Variants in DOCK11 observed in about 807,000 individuals in gnomAD.
The protein encoded by DOCK11 is dedicator of cytokinesis protein 11.
In DOCK11, 70 loss-of-function variants were observed where a neutral mutation model predicts 169.1. The ratio of observed to expected loss-of-function variants is 0.41; its 90% CI spans 0.34 to 0.51. The LOEUF is 0.51. Ranked by LOEUF, DOCK11 falls within the 20% of genes least tolerant of loss-of-function variation. DOCK11 has a pLI of 0.10. For synonymous variants in DOCK11, 529 were observed against 541.3 expected (o/e 0.98, Z 0.32); for missense variants, 1,166 against 1,538.8 (o/e 0.76, Z 4.05).
At chrX:118,569,959 G>A (rs761103898) in intron 10 of DOCK11, among the ~76,000 whole-genome samples, 7 of 111,920 alleles carry the variant, frequency 6.3e-5, no homozygotes, top group East Asian at 2.8e-4. Flanking sequence ...GTGGTGTAGC[G>A]TTTTTGTGGT....
At chrX:118,586,338 C>T (rs750657056) in intron 16 of DOCK11, among the ~76,000 whole-genome samples, 38 of 111,068 alleles carry the variant, frequency 3.4e-4, no homozygotes, top group African/African-American at 1.2e-3. Flanking sequence ...GGGGAGGCCT[C>T]AGGAAACTTA....
At chrX:118,568,995 C>T (rs192919812) in intron 10 of DOCK11, among the ~76,000 whole-genome samples, 1,107 of 109,379 alleles carry the variant, frequency 0.01, 43 homozygotes, top group Admixed American at 0.097. Context: ...TTTTCTTCCA[C>T]GAAAATATGA....
At chrX:118,546,676 A>G (rs1167255413) in intron 6 of DOCK11, among the ~76,000 whole-genome samples, 1 of 111,975 alleles carries the variant, frequency 8.9e-6, no homozygotes, top group Non-Finnish European at 1.9e-5. Context: ...TAAGTGAGCT[A>G]AAAGTTGAAA....
intron 40 of DOCK11, among the ~76,000 whole-genome samples, chrX:118,644,560 T>A (rs1484266177): frequency 8.9e-6 from 1 of 112,063 alleles, no homozygotes; most frequent in South Asian, 3.7e-4. Flanking sequence ...AAAGGCTTAT[T>A]GTCCAGTAGA....
In DOCK11 at chrX:118,542,867, G is replaced by GAA. The variant is rs3841523; in HGVS notation, c.219+32_219+33dup. 9,028 of 1,194,780 alleles carry GAA rather than the reference G, an allele frequency of 7.6e-3. 133 individuals carry two copies. Among genetic ancestry groups the GAA allele is most frequent in the South Asian group, 0.069 (3,838 of 55,777 alleles). On this transcript the variant is annotated intron_variant, in intron 2 of 52. Transcript: ENST00000276202. Reference sequence around the variant, plus strand: ...GTGAGTTCACAAACACTTCTTTAAAGAAAAAAACCCCTATTTTTCAAGCCA... The same window carrying GAA: ...GTGAGTTCACAAACACTTCTTTAAAGAAAAAAAAACCCCTATTTTTCAAGCCA...
At chrX:118,578,392 TTCTA>T in intron 12 of DOCK11, 129 bp from the exon 13 acceptor site, 2 of 693,662 alleles carry the variant, frequency 2.9e-6, no homozygotes, top group East Asian at 3.9e-5. Flanking sequence ...TGAAAGGAAA[TTCTA>T]TCTATTTCTA....
intron 1 of DOCK11, among the ~76,000 whole-genome samples, chrX:118,520,577 G>A (rs2057715964): frequency 8.9e-6 from 1 of 111,987 alleles, no homozygotes; most frequent in Admixed American, 9.5e-5. Flanking sequence ...TAAAACCCAT[G>A]TCCTTGATAA....
At chrX:118,619,346 C>T (rs1365581604) in intron 31 of DOCK11, among the ~76,000 whole-genome samples, 1 of 104,137 alleles carries the variant, frequency 9.6e-6, no homozygotes, top group Admixed American at 1.0e-4. Flanking sequence ...TGGTGGCACA[C>T]ACCTGTAGTC....
chrX:118,642,411 C>G (rs1207685728), intron 39 of DOCK11, among the ~76,000 whole-genome samples: 2 of 112,162 alleles, frequency 1.8e-5, no homozygotes, highest in Non-Finnish European at 3.8e-5. Flanking sequence ...GCCGAATTTA[C>G]TAAATGTAAT....
rs1354794105 is a variant in DOCK11 at position 118,504,035 on chromosome X, TC to T, written c.102+7964del. ...CTCAGGAAGAGGCTAATAGGATAGTTCCTGCTTTTAAGGGAGACTAGAAGTA... is the reference window on the plus strand; with the variant it reads ...CTCAGGAAGAGGCTAATAGGATAGTTCTGCTTTTAAGGGAGACTAGAAGTA... On this transcript the variant is annotated intron_variant, in intron 1 of 52. Coordinates refer to ENST00000276202, the MANE Select transcript of DOCK11 (RefSeq NM_144658.4). Among the ~76,000 whole-genome samples, 3 of 110,335 alleles carry T rather than the reference TC, an allele frequency of 2.7e-5. No individual in the cohort carries two copies. The Admixed American group carries it at 2.9e-4, about 11-fold the overall frequency.
chrX:118,516,411 TCCCC>T (rs1569404619), intron 1 of DOCK11, among the ~76,000 whole-genome samples: 4 of 36,716 alleles, frequency 1.1e-4, no homozygotes, highest in Non-Finnish European at 1.6e-4. Flanking sequence ...TCTCCTCTCC[TCCCC>T]TCCCCTCCCC....
rs1265184175 is a variant in DOCK11 at position 118,647,982 on chromosome X, TATA to T, written c.4399-956_4399-954del. Among the ~76,000 whole-genome samples the T allele has an allele frequency of 2.2e-4, 11 of 50,588 alleles. 2 individuals carry two copies. Among genetic ancestry groups the T allele is most frequent in the Admixed American group, 1.1e-3 (3 of 2,722 alleles). 43.9% of individuals were successfully genotyped at this position (50,588 alleles called of 115,157 possible). ...ATATAATATATAATTATATATAATA[TATA>T]ATAATATATAATATATTATTATAAT... is the stretch of plus-strand genomic sequence containing the variant. On this transcript the variant is annotated intron_variant, in intron 40 of 52. Coordinates refer to ENST00000276202, the MANE Select transcript of DOCK11 (RefSeq NM_144658.4).
At chrX:118,674,656 T>C (rs758495357) in intron 46 of DOCK11, among the ~76,000 whole-genome samples, 1 of 112,110 alleles carries the variant, frequency 8.9e-6, no homozygotes, top group African/African-American at 3.2e-5. Context: ...TGTGGATATA[T>C]ATTTTCAATT....
chrX:118,634,420 G>A (rs1438035866), intron 35 of DOCK11, among the ~76,000 whole-genome samples: 1 of 112,666 alleles, frequency 8.9e-6, no homozygotes, highest in African/African-American at 3.2e-5. Context: ...CTGTGAGGGC[G>A]AGCACTTTTA....
At chrX:118,624,356 G>A (rs2015045273) in intron 31 of DOCK11, among the ~76,000 whole-genome samples, 183 bp from the exon 32 acceptor site, 1 of 112,618 alleles carries the variant, frequency 8.9e-6, no homozygotes, top group South Asian at 3.6e-4. Flanking sequence ...TAAATCCAAA[G>A]GCCAACAAAG....
intron 1 of DOCK11, among the ~76,000 whole-genome samples, chrX:118,507,456 T>C (rs1300653732): frequency 1.8e-5 from 2 of 110,276 alleles, no homozygotes; most frequent in Non-Finnish European, 3.8e-5. Context: ...TTCAAGCGAT[T>C]CTCCTGCCTC....
At chrX:118,512,907 G>A (rs2057658887) in intron 1 of DOCK11, among the ~76,000 whole-genome samples, 1 of 111,962 alleles carries the variant, frequency 8.9e-6, no homozygotes, top group Non-Finnish European at 1.9e-5. Context: ...CACTGGGACT[G>A]GCTTCTTCTT....
intron 35 of DOCK11, chrX:118,632,846 ATCGT>A (rs2015278306): frequency 9.2e-6 from 1 of 108,631 alleles, no homozygotes. Flanking sequence ...AGTTTATTAT[ATCGT>A]GAGAAAAGGA....
chrX:118,503,074 C>CTTTTTTT (rs767017269), intron 1 of DOCK11, among the ~76,000 whole-genome samples: 1 of 90,789 alleles, frequency 1.1e-5, no homozygotes, highest in Non-Finnish European at 2.1e-5. Context: ...ATAACAAAGG[C>CTTTTTTT]TTTTTTTTTT....
Sources: allele counts gnomAD v4.1 joint callset (sites outside exome capture counted in the v4.1 genomes callset), GRCh38; gene constraint gnomAD v4.1.1; transcripts MANE v1.5; gene names NCBI Gene and HGNC (gene_info 2026-07-23, HGNC 2026-07-21).